The following PRKD1 variants were observed in gnomAD, a reference collection of about 807,000 sequenced individuals.
PRKD1 encodes protein kinase D1, also known as serine/threonine-protein kinase D1.
A neutral mutation model predicts 95.9 loss-of-function variants in PRKD1; 63 were observed. That is an observed-to-expected ratio of 0.66 (90% CI 0.54 to 0.81). The LOEUF is 0.81. Among genes scored for constraint, PRKD1 ranks in the 30% least tolerant of loss-of-function variants. PRKD1 has a pLI of 0.00. For missense variants in PRKD1, 1,048 were observed against 1,165.3 expected (o/e 0.90, Z 1.47); for synonymous variants, 425 against 423.1 (o/e 1.00, Z -0.05).
In PRKD1 at chr14:29,927,678, G is replaced by T; in HGVS notation, c.-166C>A. 4.5e-6 allele frequency: 1 copy of T among 221,586 alleles called. No individual in the cohort carries two copies. The highest frequency in any genetic ancestry group is 7.8e-6 in the Non-Finnish European group (1 of 127,598). 13.7% of individuals were successfully genotyped at this position (221,586 alleles called of 1,614,324 possible). A position where few individuals can be genotyped will look rare whatever the true frequency, so the allele number is the denominator to read the frequency against. Reference sequence around the variant, plus strand: ...GGCTGGGGGAGGGCAAGGGGATGAGGATCGGGAGGGGAGGGGACTAAGGGG... The same window carrying T: ...GGCTGGGGGAGGGCAAGGGGATGAGTATCGGGAGGGGAGGGGACTAAGGGG... On this transcript the variant is annotated 5_prime_UTR_variant, in exon 1 of 18. Transcript: ENST00000331968.
At chr14:29,762,142 T>C (rs951586826) in intron 1 of PRKD1, among the ~76,000 whole-genome samples, 1 of 152,114 alleles carries the variant, frequency 6.6e-6, no homozygotes, top group African/African-American at 2.4e-5. Flanking sequence ...TTAAGCCAAT[T>C]TGGCCAATTG....
chr14:29,693,636 A>C (rs974705727), intron 2 of PRKD1, among the ~76,000 whole-genome samples: 2 of 116,224 alleles, frequency 1.7e-5, no homozygotes, highest in African/African-American at 1.1e-4. Context: ...TCAAAAAAAA[A>C]AAAAACAACA....
intron 1 of PRKD1, among the ~76,000 whole-genome samples, chr14:29,900,333 C>T (rs1894278142): frequency 6.6e-6 from 1 of 152,122 alleles, no homozygotes; most frequent in Non-Finnish European, 1.5e-5. Flanking sequence ...CTAACCATTC[C>T]CTTATAGAGT....
chr14:29,783,311 T>C (rs1003270637), intron 1 of PRKD1, among the ~76,000 whole-genome samples: 3 of 152,196 alleles, frequency 2.0e-5, no homozygotes, highest in Admixed American at 6.5e-5. Flanking sequence ...TCCATCCATA[T>C]TGCCACAAAT....
intron 2 of PRKD1, among the ~76,000 whole-genome samples, chr14:29,701,367 C>G (rs1346006682): frequency 6.6e-6 from 1 of 152,144 alleles, no homozygotes; most frequent in African/African-American, 2.4e-5. Context: ...ACTTGAGAAG[C>G]AATGCCGTAA....
At chr14:29,720,641 G>A (rs916357215) in intron 2 of PRKD1, among the ~76,000 whole-genome samples, 23 of 151,756 alleles carry the variant, frequency 1.5e-4, no homozygotes, top group African/African-American at 3.4e-4. Context: ...TTAGCCGAGC[G>A]TGGTGGTGTG....
intron 2 of PRKD1, among the ~76,000 whole-genome samples, chr14:29,700,251 A>C (rs1884760988): frequency 6.6e-6 from 1 of 152,206 alleles, no homozygotes; most frequent in South Asian, 2.1e-4. Context: ...AATTTCAATT[A>C]TCAATATCAC....
chr14:29,753,261 T>G (rs189679253), intron 1 of PRKD1, among the ~76,000 whole-genome samples: 2 of 151,982 alleles, frequency 1.3e-5, no homozygotes, highest in East Asian at 3.9e-4. Flanking sequence ...AGTGCTGGGG[T>G]TTTTACTATG....
chr14:29,627,093 G>A (rs1007107682), intron 11 of PRKD1, among the ~76,000 whole-genome samples: 1 of 152,182 alleles, frequency 6.6e-6, no homozygotes, highest in East Asian at 1.9e-4. Flanking sequence ...GTTTTCTAAC[G>A]TGCTAGCACA....
intron 1 of PRKD1, among the ~76,000 whole-genome samples, chr14:29,763,484 AG>A (rs1888116932): frequency 2.7e-5 from 2 of 75,092 alleles, no homozygotes; most frequent in Non-Finnish European, 2.6e-5. Flanking sequence ...GAGGAGAGGG[AG>A]GAAGGGAGGG....
intron 13 of PRKD1, among the ~76,000 whole-genome samples, chr14:29,613,293 A>G (rs576907514): frequency 6.6e-6 from 1 of 152,326 alleles, no homozygotes; most frequent in South Asian, 2.1e-4. Context: ...TCCAGTTTCC[A>G]AAAATTTTCA....
At chr14:29,691,943 G>T (rs1327966535) in intron 2 of PRKD1, among the ~76,000 whole-genome samples, 1 of 152,128 alleles carries the variant, frequency 6.6e-6, no homozygotes, top group Admixed American at 6.6e-5. Flanking sequence ...AACTACTTTA[G>T]TGAAGAGGTA....
At chr14:29,874,123 G>A (rs1893205790) in intron 1 of PRKD1, among the ~76,000 whole-genome samples, 1 of 152,128 alleles carries the variant, frequency 6.6e-6, no homozygotes, top group Non-Finnish European at 1.5e-5. Flanking sequence ...TGAATAATCA[G>A]AGTTTTTCAT....
intron 1 of PRKD1, among the ~76,000 whole-genome samples, chr14:29,879,545 A>T (rs957082811): frequency 1.3e-5 from 2 of 152,186 alleles, no homozygotes; most frequent in Non-Finnish European, 2.9e-5. Flanking sequence ...TATCAGCAGC[A>T]TGAAAACAGA....
At chr14:29,680,541 T>C (rs1883483290) in intron 2 of PRKD1, among the ~76,000 whole-genome samples, 1 of 152,212 alleles carries the variant, frequency 6.6e-6, no homozygotes, top group Non-Finnish European at 1.5e-5. Flanking sequence ...TCTTGCCTCT[T>C]TGTTTATTGT....
At chr14:29,615,393 T>C (rs1878784468) in intron 13 of PRKD1, among the ~76,000 whole-genome samples, 1 of 152,206 alleles carries the variant, frequency 6.6e-6, no homozygotes, top group Admixed American at 6.5e-5. Flanking sequence ...CTTTTTGAGT[T>C]CAAATGAAGA....
intron 2 of PRKD1, among the ~76,000 whole-genome samples, chr14:29,696,401 C>T (rs1023031881): frequency 1.2e-4 from 19 of 152,118 alleles, no homozygotes; most frequent in Non-Finnish European, 2.9e-5. Flanking sequence ...AATCAAGTTT[C>T]CCAAATTTGA....
At chr14:29,826,718 T>TAC (rs1566622501) in intron 1 of PRKD1, among the ~76,000 whole-genome samples, 1 of 95,726 alleles carries the variant, frequency 1.0e-5, no homozygotes, top group Non-Finnish European at 2.0e-5. Flanking sequence ...CACATATATA[T>TAC]ATACATATAT....
intron 2 of PRKD1, among the ~76,000 whole-genome samples, chr14:29,689,431 T>C (rs992768544): frequency 6.6e-6 from 1 of 152,072 alleles, no homozygotes; most frequent in African/African-American, 2.4e-5. Context: ...CCAGTCAGAA[T>C]GGCAATTATT....
Sources: gnomAD v4.1 joint callset for allele counts (sites outside exome capture counted in the v4.1 genomes callset) on GRCh38, gnomAD v4.1.1 for gene constraint, MANE v1.5 for transcripts, NCBI Gene and HGNC (gene_info 2026-07-23, HGNC 2026-07-21) for gene names.